ARHGEF28: variants seen among roughly 807,000 people sequenced by gnomAD.
The protein encoded by ARHGEF28 is 190 kDa guanine nucleotide exchange factor.
ARHGEF28 carries 152 observed loss-of-function variants against 206.6 expected under a neutral mutation model. The ratio of observed to expected loss-of-function variants is 0.74; its 90% CI spans 0.64 to 0.84. The LOEUF is 0.84. ARHGEF28 is among the 40% of genes least tolerant of loss of function. The pLI, the probability that ARHGEF28 is intolerant of heterozygous loss-of-function variation, is 0.00. For synonymous variants in ARHGEF28, 763 were observed against 776.4 expected, an observed-to-expected ratio of 0.98 and a Z score of 0.29; for missense variants, 2,028 against 2,073.2, an observed-to-expected ratio of 0.98 and a Z score of 0.42.
intron 35 of ARHGEF28, chr5:73,922,961 T>G: frequency 1.2e-6 from 1 of 851,420 alleles, no homozygotes; most frequent in Non-Finnish European, 1.8e-6. Context: ...AAATACCAAG[T>G]TTTGCAAATG....
At chr5:73,849,517 T>C (rs1758570948) in intron 13 of ARHGEF28, among the ~76,000 whole-genome samples, 2 of 152,120 alleles carry the variant, frequency 1.3e-5, no homozygotes, top group South Asian at 4.1e-4. Flanking sequence ...TTTCTTTGTT[T>C]AGAAAGGGAC....
At chr5:73,674,929 A>G (rs965045376) in intron 1 of ARHGEF28, among the ~76,000 whole-genome samples, 2 of 152,160 alleles carry the variant, frequency 1.3e-5, no homozygotes, top group Admixed American at 6.5e-5. Context: ...GCTTCACCCT[A>G]TGCATTTCTT....
At chr5:73,850,847 C>T (rs916220878) in intron 13 of ARHGEF28, among the ~76,000 whole-genome samples, 8 of 152,070 alleles carry the variant, frequency 5.3e-5, no homozygotes, top group South Asian at 4.1e-4. Flanking sequence ...TATCTTTAGA[C>T]GGTATATTTA....
chr5:73,839,904 T>C (rs1180928164), intron 10 of ARHGEF28, among the ~76,000 whole-genome samples: 1 of 152,234 alleles, frequency 6.6e-6, no homozygotes, highest in Non-Finnish European at 1.5e-5. Context: ...CAGATTCCTA[T>C]GAGCTACTTT....
At chr5:73,631,447 A>G (rs1743360582) in intron 1 of ARHGEF28, among the ~76,000 whole-genome samples, 2 of 152,164 alleles carry the variant, frequency 1.3e-5, no homozygotes, top group Non-Finnish European at 2.9e-5. Flanking sequence ...ACTACTGACT[A>G]TGGGTTCTTT....
chr5:73,882,711 G>T, intron 23 of ARHGEF28, 117 bp downstream of exon 23: 1 of 1,001,732 alleles, frequency 1.0e-6, no homozygotes, highest in Non-Finnish European at 1.4e-6. Context: ...AGGGGAAGAA[G>T]AAGGGAGGTG....
At chr5:73,693,237 T>C (rs180676167) in intron 2 of ARHGEF28, among the ~76,000 whole-genome samples, 3 of 152,318 alleles carry the variant, frequency 2.0e-5, no homozygotes, top group Admixed American at 2.0e-4. Flanking sequence ...CACATCTCCA[T>C]TTCCTCATTG....
chr5:73,799,989 A>C (rs1755040168), intron 9 of ARHGEF28, among the ~76,000 whole-genome samples: 1 of 152,176 alleles, frequency 6.6e-6, no homozygotes, highest in Admixed American at 6.5e-5. Context: ...GTATCTTGCA[A>C]AGTAAGCCTC....
At chr5:73,879,145 A>G (rs933883541) in intron 22 of ARHGEF28, among the ~76,000 whole-genome samples, 11 of 151,712 alleles carry the variant, frequency 7.3e-5, no homozygotes, top group Non-Finnish European at 1.2e-4. Flanking sequence ...TTTTTCTCTA[A>G]ACTTCCCTTC....
intron 9 of ARHGEF28, among the ~76,000 whole-genome samples, chr5:73,814,033 T>C (rs1756024108): frequency 1.3e-5 from 2 of 152,142 alleles, no homozygotes; most frequent in African/African-American, 4.8e-5. Flanking sequence ...TGTTCAGTCT[T>C]AGTGGGATTT....
At chr5:73,709,164 C>G (rs550579367) in intron 2 of ARHGEF28, among the ~76,000 whole-genome samples, 1 of 152,268 alleles carries the variant, frequency 6.6e-6, no homozygotes, top group South Asian at 2.1e-4. Flanking sequence ...GTCTATGTTC[C>G]ACTCTGGATT....
At chr5:73,876,734 C>T (rs1383371488) in intron 22 of ARHGEF28, among the ~76,000 whole-genome samples, 14 of 148,258 alleles carry the variant, frequency 9.4e-5, no homozygotes, top group East Asian at 2.0e-4. Context: ...TATTGATTTG[C>T]GTATATTGAA....
intron 11 of ARHGEF28, 142 bp from the exon 12 acceptor site, chr5:73,846,126 T>A (rs1291843129): frequency 1.4e-6 from 1 of 726,290 alleles, no homozygotes; most frequent in East Asian, 2.7e-5. Flanking sequence ...AAAAGGCTAA[T>A]TAAATACTAG....
chr5:73,650,891 C>T (rs997842353), intron 1 of ARHGEF28, among the ~76,000 whole-genome samples: 4 of 152,088 alleles, frequency 2.6e-5, no homozygotes, highest in African/African-American at 4.8e-5. Flanking sequence ...TCAAGTGATC[C>T]ACCCACCTCA....
chr5:73,779,087 A>G (rs1042323272), intron 6 of ARHGEF28, among the ~76,000 whole-genome samples: 2 of 152,232 alleles, frequency 1.3e-5, no homozygotes, highest in Admixed American at 6.5e-5. Context: ...AGAGCTCTCC[A>G]GGTGAACCCA....
At chr5:73,853,015 A>G (rs1389080501) in intron 14 of ARHGEF28, among the ~76,000 whole-genome samples, 1 of 152,230 alleles carries the variant, frequency 6.6e-6, no homozygotes, top group Non-Finnish European at 1.5e-5. Flanking sequence ...CTATTCCACC[A>G]TGACAAGGGG....
At chr5:73,894,601 G>A in intron 29 of ARHGEF28, 26 bp downstream of exon 29, 1 of 1,608,104 alleles carries the variant, frequency 6.2e-7, no homozygotes, top group Non-Finnish European at 8.5e-7. Context: ...AAGGGTTTGG[G>A]TCGACACGTT....
Position 73,901,219 on chromosome 5 carries a change from TCGGATGTGGATCC to T in ARHGEF28, c.4013_4025del (p.Asp1338GlyfsTer6). The T allele has an allele frequency of 6.2e-7, 1 of 1,613,362 alleles. No homozygotes were observed. Among genetic ancestry groups the T allele is most frequent in the Non-Finnish European group, 8.5e-7 (1 of 1,179,606 alleles). ...AGGAGGGAGAGAAGGAAGAGGCTGT[TCGGATGTGGATCC>T]CGGGATCCAGGGTGTGGTAACCGAC... On this transcript the variant is annotated frameshift_variant, in exon 31 of 36. Transcript: ENST00000513042. LOFTEE classifies it high-confidence loss of function.
intron 1 of ARHGEF28, among the ~76,000 whole-genome samples, chr5:73,663,129 T>C (rs1745716571): frequency 6.6e-6 from 1 of 152,152 alleles, no homozygotes; most frequent in Non-Finnish European, 1.5e-5. Context: ...CTAATTTTTG[T>C]AATTTTTGTA....
Sources: gnomAD v4.1 joint callset for allele counts (sites outside exome capture counted in the v4.1 genomes callset) on GRCh38, gnomAD v4.1.1 for gene constraint, MANE v1.5 for transcripts, NCBI Gene and HGNC (gene_info 2026-07-23, HGNC 2026-07-21) for gene names.